The following ANKRD17 variants were observed in gnomAD, a reference collection of about 807,000 sequenced individuals.
ANKRD17 encodes the protein ankyrin repeat domain-containing protein 17.
In ANKRD17, 19 loss-of-function variants were observed where a neutral mutation model predicts 229.7. The ratio of observed to expected loss-of-function variants is 0.08; its 90% CI spans 0.06 to 0.12. ANKRD17 has a LOEUF of 0.12. Among genes scored for constraint, ANKRD17 ranks in the 10% least tolerant of loss-of-function variants. ANKRD17 has a pLI of 1.00. For synonymous variants in ANKRD17, 1,112 were observed against 1,146.1 expected (o/e 0.97, Z 0.60); for missense variants, 2,176 against 3,176.8 (o/e 0.68, Z 7.57).
At chr4:73,218,232 C>T (rs780294556) in intron 1 of ANKRD17, among the ~76,000 whole-genome samples, 7 of 152,118 alleles carry the variant, frequency 4.6e-5, no homozygotes, top group South Asian at 2.1e-4. Flanking sequence ...AAGGGATATC[C>T]GCTTTTTAAG....
chr4:73,218,548 CAA>C (rs1741404360), intron 1 of ANKRD17, among the ~76,000 whole-genome samples: 1 of 146,790 alleles, frequency 6.8e-6, no homozygotes, highest in Admixed American at 7.1e-5. Context: ...GAGGCTGAGA[CAA>C]GAGAATCGCT....
At chr4:73,209,073 G>A (rs914077190) in intron 1 of ANKRD17, among the ~76,000 whole-genome samples, 8 of 152,102 alleles carry the variant, frequency 5.3e-5, no homozygotes, top group Admixed American at 6.5e-5. Context: ...GGGCATGGTG[G>A]TGCGTGCCTA....
At chr4:73,134,622 TC>T (rs1482615695) in intron 16 of ANKRD17, among the ~76,000 whole-genome samples, 1 of 152,140 alleles carries the variant, frequency 6.6e-6, no homozygotes, top group Non-Finnish European at 1.5e-5. Flanking sequence ...GTGCCTGGAA[TC>T]CCGTACAGCT....
chr4:73,223,669 TATA>T (rs1742145339), intron 1 of ANKRD17, among the ~76,000 whole-genome samples: 4 of 152,232 alleles, frequency 2.6e-5, no homozygotes, highest in Non-Finnish European at 4.4e-5. Flanking sequence ...TGAAGCAAGC[TATA>T]ATATTTGATA....
intron 2 of ANKRD17, among the ~76,000 whole-genome samples, chr4:73,162,422 T>C (rs1732654256): frequency 6.6e-6 from 1 of 152,178 alleles, no homozygotes; most frequent in South Asian, 2.1e-4. Flanking sequence ...TTAGATCTCC[T>C]AGTCTCAAGT....
intron 24 of ANKRD17, chr4:73,113,408 G>A: frequency 7.8e-7 from 1 of 1,286,656 alleles, no homozygotes; most frequent in Non-Finnish European, 1.0e-6. Flanking sequence ...TGCCTTGGTA[G>A]TGCATTTGGT....
At chr4:73,106,750 G>A (rs1029970483) in intron 24 of ANKRD17, among the ~76,000 whole-genome samples, 2 of 151,778 alleles carry the variant, frequency 1.3e-5, no homozygotes, top group Non-Finnish European at 1.5e-5. Context: ...GTGGTGGTGC[G>A]CACCTGTAGT....
chr4:73,126,200 G>C (rs1727447443), intron 16 of ANKRD17, among the ~76,000 whole-genome samples: 1 of 152,174 alleles, frequency 6.6e-6, no homozygotes, highest in Non-Finnish European at 1.5e-5. Context: ...GTACTCTGGA[G>C]ATGTGCAGAG....
intron 33 of ANKRD17, 124 bp from the exon 34 acceptor site, chr4:73,076,414 A>T (rs1452694373): frequency 1.6e-6 from 1 of 607,646 alleles, no homozygotes; most frequent in African/African-American, 1.9e-5. Flanking sequence ...AATGGAAAAA[A>T]ATGATAAAAA....
At chr4:73,087,644 T>C (rs1354701610) in intron 29 of ANKRD17, among the ~76,000 whole-genome samples, 1 of 152,166 alleles carries the variant, frequency 6.6e-6, no homozygotes, top group Non-Finnish European at 1.5e-5. Context: ...GAGACACACA[T>C]AGTCAGAAAG....
Position 73,118,642 on chromosome 4 carries a change from T to C in ANKRD17, c.4188+46A>G, listed in dbSNP as rs1278808294. ...GATCACTAAGCCATGTACTTCCTAG[T>C]GTAAGTAAAAAAACATCCAGGTAAA... On this transcript the variant is annotated intron_variant, in intron 22 of 33. Transcript: ENST00000358602. 5 of 1,601,976 alleles carry C rather than the reference T, an allele frequency of 3.1e-6. No homozygotes were observed. The Middle Eastern group carries it at 6.7e-4, about 214-fold the overall frequency.
chr4:73,182,074 AAAAAAAAAAAAAAAAAAAT>A (rs1735649392), intron 1 of ANKRD17, among the ~76,000 whole-genome samples: 1 of 148,192 alleles, frequency 6.7e-6, no homozygotes, highest in African/African-American at 2.5e-5. Flanking sequence ...AAAAAAAAAA[AAAAAAAAAAAAAAAAAAAT>A]TTAAAAGAAA....
chr4:73,240,632 A>G lies in ANKRD17; in HGVS notation c.393+17644T>C, dbSNP rs115829818. On this transcript the variant is annotated intron_variant, in intron 1 of 33. Transcript: ENST00000358602. ...AGAGCAAGACCCTGTGCCTAAAAAA[A>G]TTAGAATTTAAAAAAACACATAACT... Among the ~76,000 whole-genome samples, 301 of 152,042 alleles carry G rather than the reference A, an allele frequency of 2.0e-3. 2 individuals are homozygous for G. Among genetic ancestry groups the G allele is most frequent in the African/African-American group, 6.6e-3 (274 of 41,496 alleles).
intron 1 of ANKRD17, among the ~76,000 whole-genome samples, chr4:73,244,994 C>A (rs1243294685): frequency 6.6e-6 from 1 of 152,038 alleles, no homozygotes; most frequent in African/African-American, 2.4e-5. Flanking sequence ...ACCTATAAAG[C>A]AGTTTGCAAG....
At chr4:73,093,588 G>A (rs1480326745) in intron 28 of ANKRD17, among the ~76,000 whole-genome samples, 1 of 151,958 alleles carries the variant, frequency 6.6e-6, no homozygotes, top group Non-Finnish European at 1.5e-5. Flanking sequence ...TGTTGAGGCT[G>A]GTCTCGAACT....
chr4:73,258,244 C>T (rs767641080), intron 1 of ANKRD17, 32 bp downstream of exon 1: 2 of 1,613,244 alleles, frequency 1.2e-6, no homozygotes, highest in Non-Finnish European at 1.7e-6. Context: ...ACAGTCCCTT[C>T]CTCCCTCCTT....
At chr4:73,125,427 T>A in intron 16 of ANKRD17, 115 bp from the exon 17 acceptor site, 1 of 810,056 alleles carries the variant, frequency 1.2e-6, no homozygotes, top group Non-Finnish European at 1.9e-6. Context: ...CTCTACAATA[T>A]CAAGCATTTG....
At chr4:73,108,854 GT>G (rs1185768195) in intron 24 of ANKRD17, among the ~76,000 whole-genome samples, 1 of 152,130 alleles carries the variant, frequency 6.6e-6, no homozygotes, top group African/African-American at 2.4e-5. Flanking sequence ...GGTTTTCTGT[GT>G]TTAAGATTGG....
intron 9 of ANKRD17, 116 bp downstream of exon 9, chr4:73,147,125 C>T (rs879049780): frequency 6.0e-6 from 6 of 1,007,228 alleles, no homozygotes; most frequent in East Asian, 2.6e-5. Flanking sequence ...GTATATCACA[C>T]GTTTTTTTAA....
Sources: allele counts gnomAD v4.1 joint callset (sites outside exome capture counted in the v4.1 genomes callset), GRCh38; gene constraint gnomAD v4.1.1; transcripts MANE v1.5; gene names NCBI Gene and HGNC (gene_info 2026-07-23, HGNC 2026-07-21).